The following NAALADL2 variants were observed in gnomAD, a reference collection of about 807,000 sequenced individuals.
The protein encoded by NAALADL2 is inactive N-acetylated-alpha-linked acidic dipeptidase-like protein 2.
NAALADL2 carries 76 observed loss-of-function variants against 87.2 expected under a neutral mutation model. That is an observed-to-expected ratio of 0.87 (90% CI 0.72 to 1.05). The LOEUF (loss-of-function observed/expected upper bound fraction) is 1.05, where lower values mean the gene tolerates loss of function less well. Among genes scored for constraint, NAALADL2 ranks in the 50% least tolerant of loss-of-function variants. NAALADL2 has a pLI of 0.00. For synonymous variants in NAALADL2, 354 were observed against 331.0 expected (o/e 1.07, Z -0.75); for missense variants, 1,089 against 945.8 (o/e 1.15, Z -1.99).
At chr3:174,502,059 T>A (rs1718933093) in intron 1 of NAALADL2, among the ~76,000 whole-genome samples, 1 of 152,144 alleles carries the variant, frequency 6.6e-6, no homozygotes, top group Admixed American at 6.5e-5. Context: ...AGTTTTTTAT[T>A]TTATAGGTTA....
chr3:175,657,136 A>AT (rs1368960103), intron 11 of NAALADL2, among the ~76,000 whole-genome samples: 2 of 152,112 alleles, frequency 1.3e-5, no homozygotes, highest in Non-Finnish European at 2.9e-5. Flanking sequence ...AATGCCAGAT[A>AT]TTTTTCCCTC....
At chr3:175,787,322 C>G (rs1390232572) in intron 13 of NAALADL2, among the ~76,000 whole-genome samples, 3 of 152,102 alleles carry the variant, frequency 2.0e-5, no homozygotes, top group Non-Finnish European at 4.4e-5. Context: ...TTCCTGCTGC[C>G]TTGCAGTTTG....
intron 11 of NAALADL2, among the ~76,000 whole-genome samples, chr3:175,723,780 C>CATCA (rs903307120): frequency 2.6e-5 from 4 of 152,016 alleles, no homozygotes; most frequent in Non-Finnish European, 5.9e-5. Context: ...AAAATCCTTC[C>CATCA]ATCAAGACTG....
chr3:174,667,545 G>GTTTTTTTTTTTTTTTTTTTTTTTTTT (rs71162402), intron 2 of NAALADL2, among the ~76,000 whole-genome samples: 1 of 123,770 alleles, frequency 8.1e-6, no homozygotes. Context: ...ATGGGAGAGA[G>GTTTTTTTTTTTTTTTTTTTTTTTTTT]TTTTTTTTTT....
rs140310263 is a variant in NAALADL2 at position 175,044,442 on chromosome 3, C to A, written c.44-52348C>A. Among the ~76,000 whole-genome samples, 474 of 152,174 alleles carry A rather than the reference C, an allele frequency of 3.1e-3. 4 individuals carry two copies. Among genetic ancestry groups the A allele is most frequent in the African/African-American group, 0.011 (458 of 41,522 alleles). On this transcript the variant is annotated intron_variant, in intron 1 of 13. Transcript: ENST00000454872. The stretch of plus-strand genomic sequence containing the variant: ...TGTTGAAATATTTAGACCATAAATA[C>A]ATTTATTGTCTTTCCATCTCATTAT...
At chr3:174,772,709 T>C (rs1714729665) in intron 3 of NAALADL2, among the ~76,000 whole-genome samples, 1 of 152,104 alleles carries the variant, frequency 6.6e-6, no homozygotes, top group Admixed American at 6.5e-5. Flanking sequence ...CTGGTATTGA[T>C]AGGTGCAGAC....
intron 3 of NAALADL2, among the ~76,000 whole-genome samples, chr3:174,832,262 C>T (rs538026593): frequency 6.6e-6 from 1 of 152,018 alleles, no homozygotes; most frequent in Non-Finnish European, 1.5e-5. Flanking sequence ...ATAAATTTCC[C>T]TCTACACACT....
intron 3 of NAALADL2, among the ~76,000 whole-genome samples, chr3:174,809,961 C>G (rs1422707063): frequency 6.6e-6 from 1 of 152,078 alleles, no homozygotes; most frequent in Admixed American, 6.6e-5. Flanking sequence ...CCTCCCCCCT[C>G]TCTTGGTCCT....
chr3:174,833,870 A>G (rs928924770), intron 3 of NAALADL2, among the ~76,000 whole-genome samples: 5 of 150,830 alleles, frequency 3.3e-5, no homozygotes, highest in Admixed American at 2.6e-4. Flanking sequence ...ATCATATTGA[A>G]TATCACACCA....
intron 13 of NAALADL2, among the ~76,000 whole-genome samples, chr3:175,790,438 A>T (rs1393984582): frequency 6.6e-6 from 1 of 152,228 alleles, no homozygotes; most frequent in Non-Finnish European, 1.5e-5. Flanking sequence ...AAGCAGAGCC[A>T]GTAGATGTTT....
At chr3:174,539,040 T>G (rs1345593269) in intron 1 of NAALADL2, among the ~76,000 whole-genome samples, 1 of 152,192 alleles carries the variant, frequency 6.6e-6, no homozygotes, top group Non-Finnish European at 1.5e-5. Flanking sequence ...TTAGATACCT[T>G]TTTGTTTGCA....
chr3:175,317,703 C>A (rs1234129584), intron 4 of NAALADL2, among the ~76,000 whole-genome samples: 1 of 151,970 alleles, frequency 6.6e-6, no homozygotes, highest in Non-Finnish European at 1.5e-5. Context: ...ATGTAAATAG[C>A]CCAAATCATA....
At chr3:175,234,915 A>G (rs745857263) in intron 3 of NAALADL2, 3 of 152,158 alleles carry the variant, frequency 2.0e-5, no homozygotes, top group Non-Finnish European at 1.5e-5. Context: ...AATTACAAAT[A>G]TATGTAAATC....
intron 11 of NAALADL2, among the ~76,000 whole-genome samples, chr3:175,718,874 CAAAA>C (rs1741785071): frequency 6.6e-6 from 1 of 151,848 alleles, no homozygotes; most frequent in Admixed American, 6.6e-5. Flanking sequence ...AAACAAAAAA[CAAAA>C]AACACCACCA....
At chr3:175,236,578 C>T (rs766801834) in intron 3 of NAALADL2, among the ~76,000 whole-genome samples, 10 of 148,722 alleles carry the variant, frequency 6.7e-5, no homozygotes, top group Non-Finnish European at 1.2e-4. Flanking sequence ...GAAGAAAAAG[C>T]GGGGGTGGGT....
chr3:175,257,545 C>T (rs1024080686), intron 4 of NAALADL2, among the ~76,000 whole-genome samples: 5 of 151,400 alleles, frequency 3.3e-5, no homozygotes, highest in Non-Finnish European at 7.4e-5. Flanking sequence ...ATATTTTAAC[C>T]CAGAATTTCC....
At chr3:175,317,125 G>T (rs1004874856) in intron 4 of NAALADL2, among the ~76,000 whole-genome samples, 2 of 152,054 alleles carry the variant, frequency 1.3e-5, no homozygotes, top group Admixed American at 1.3e-4. Context: ...TAGGCCATCA[G>T]CTATAGAAAA....
chr3:175,718,227 T>TTTTTTTTTTTTTTTAA, intron 11 of NAALADL2: 3 of 1,037,686 alleles, frequency 2.9e-6, no homozygotes, highest in South Asian at 1.5e-5. Flanking sequence ...TTTTTTTGAT[T>TTTTTTTTTTTTTTTAA]AGTTGCTGTA....
chr3:175,451,020 T>C (rs950955690), intron 6 of NAALADL2, among the ~76,000 whole-genome samples: 2 of 151,850 alleles, frequency 1.3e-5, no homozygotes, highest in African/African-American at 4.8e-5. Flanking sequence ...GAAATAGATA[T>C]AGAGAGAAGG....
Sources: gnomAD v4.1 joint callset for allele counts (sites outside exome capture counted in the v4.1 genomes callset) on GRCh38, gnomAD v4.1.1 for gene constraint, MANE v1.5 for transcripts, NCBI Gene and HGNC (gene_info 2026-07-23, HGNC 2026-07-21) for gene names.